Variants in GPC3 observed in about 807,000 individuals in gnomAD.
The protein encoded by GPC3 is glypican 3.
Under a neutral mutation model 34.4 loss-of-function variants are expected in GPC3, and 3 were observed. The ratio of observed to expected loss-of-function variants is 0.09; its 90% confidence interval spans 0.04 to 0.23. The LOEUF (loss-of-function observed/expected upper bound fraction) is 0.23. GPC3 is among the 10% of genes least tolerant of loss of function. The pLI is 1.00. For synonymous variants in GPC3, 177 were observed against 174.0 expected, an observed-to-expected ratio of 1.02 and a Z score of -0.13; for missense variants, 351 against 445.6, an observed-to-expected ratio of 0.79 and a Z score of 1.91.
chrX:133,649,215 A>T (rs1471438553), intron 6 of GPC3, among the ~76,000 whole-genome samples: 6 of 111,331 alleles, frequency 5.4e-5, no homozygotes, highest in African/African-American at 2.0e-4. Context: ...AGCACTACAT[A>T]AAAAATGGGC....
chrX:133,581,615 C>T (rs1437822426), intron 7 of GPC3, among the ~76,000 whole-genome samples: 1 of 112,400 alleles, frequency 8.9e-6, no homozygotes. Flanking sequence ...CCAATTAGTT[C>T]TCACAGAATG....
chrX:133,903,177 A>C (rs986776659), intron 2 of GPC3, among the ~76,000 whole-genome samples: 1 of 110,998 alleles, frequency 9.0e-6, no homozygotes, highest in East Asian at 2.8e-4. Flanking sequence ...ACCCATTTTA[A>C]TGGCTTTATC....
chrX:133,659,920 C>T (rs2070701849), intron 6 of GPC3, among the ~76,000 whole-genome samples: 4 of 111,857 alleles, frequency 3.6e-5, no homozygotes, highest in African/African-American at 9.8e-5. Flanking sequence ...TGTTTTACAT[C>T]GTTTGTGCTC....
chrX:133,625,601 A>G (rs1395486527), intron 6 of GPC3, among the ~76,000 whole-genome samples: 2 of 111,806 alleles, frequency 1.8e-5, no homozygotes, highest in South Asian at 3.7e-4. Context: ...TAGGAATCCA[A>G]CTTCCAAGGG....
At chrX:133,970,482 A>C (rs2076486289) in intron 1 of GPC3, among the ~76,000 whole-genome samples, 1 of 110,405 alleles carries the variant, frequency 9.1e-6, no homozygotes, top group East Asian at 2.8e-4. Flanking sequence ...AAAAACACAC[A>C]ATCTCATACC....
At chrX:133,702,081 G>A (rs2071172705) in intron 3 of GPC3, among the ~76,000 whole-genome samples, 1 of 112,221 alleles carries the variant, frequency 8.9e-6, no homozygotes, top group African/African-American at 3.2e-5. Flanking sequence ...TTCAAACGAA[G>A]CGTGTGCATT....
intron 2 of GPC3, among the ~76,000 whole-genome samples, chrX:133,893,658 T>A (rs2076098637): frequency 9.0e-6 from 1 of 110,962 alleles, no homozygotes; most frequent in African/African-American, 3.3e-5. Flanking sequence ...ACAAACGAAC[T>A]AACCCTCAGG....
chrX:133,754,692 C>T (rs780829148), intron 2 of GPC3, among the ~76,000 whole-genome samples: 6 of 111,992 alleles, frequency 5.4e-5, no homozygotes, highest in Non-Finnish European at 9.4e-5. Context: ...AAAGCTATCA[C>T]GAATTTAATC....
chrX:133,616,612 C>T (rs775656867), intron 6 of GPC3, among the ~76,000 whole-genome samples: 4 of 110,614 alleles, frequency 3.6e-5, no homozygotes, highest in Non-Finnish European at 7.6e-5. Flanking sequence ...TATTTTAAAA[C>T]TTACTGTAAA....
intron 1 of GPC3, among the ~76,000 whole-genome samples, chrX:133,968,194 A>T (rs1362498429): frequency 8.9e-6 from 1 of 112,517 alleles, no homozygotes; most frequent in African/African-American, 3.2e-5. Flanking sequence ...CACAGGTTCA[A>T]GCCACTGGTC....
intron 1 of GPC3, among the ~76,000 whole-genome samples, chrX:133,974,030 C>G (rs1049350629): frequency 6.3e-5 from 7 of 111,606 alleles, no homozygotes; most frequent in Non-Finnish European, 1.3e-4. Context: ...TAATAACTTT[C>G]AGCGTTTTTT....
chrX:133,940,514 A>G (rs1386901884), intron 2 of GPC3, among the ~76,000 whole-genome samples: 4 of 111,509 alleles, frequency 3.6e-5, no homozygotes, highest in Admixed American at 1.9e-4. Context: ...TGTTATTACC[A>G]TTATGAAGAT....
chrX:133,748,843 T>C (rs943427042), intron 3 of GPC3, among the ~76,000 whole-genome samples: 6 of 112,093 alleles, frequency 5.4e-5, no homozygotes, highest in African/African-American at 9.7e-5. Flanking sequence ...GCTTTGCCAC[T>C]AATTGCCTGT....
chrX:133,560,567 C>T (rs1277385828), intron 7 of GPC3, among the ~76,000 whole-genome samples: 1 of 111,454 alleles, frequency 9.0e-6, no homozygotes, highest in East Asian at 2.8e-4. Context: ...GGCAAAACCC[C>T]GTCTGTACTA....
Position 133,985,547 on chromosome X carries a change from G to A in GPC3, c.-98C>T. ...GCCTGGCAGTGGCCCTGAGGAGCAA[G>A]AGACGTGCTGCTACCCAGCCGCTGC... On this transcript the variant is annotated 5_prime_UTR_variant, in exon 1 of 8. Coordinates refer to ENST00000370818, the MANE Select transcript of GPC3 (RefSeq NM_004484.4). The A allele has an allele frequency of 3.6e-6, 3 of 827,159 alleles. No homozygotes were observed. The East Asian group carries it at 1.0e-4, about 29-fold the overall frequency. The allele number at this position is 827,159 out of a possible 1,213,427, so 68.2% of individuals were successfully genotyped here.
At chrX:133,655,369 G>A (rs962825177) in intron 6 of GPC3, among the ~76,000 whole-genome samples, 4 of 110,564 alleles carry the variant, frequency 3.6e-5, no homozygotes, top group Non-Finnish European at 5.7e-5. Flanking sequence ...ACTCCACAGA[G>A]TCTAAGTCTG....
chrX:133,580,923 C>T (rs1201674493), intron 7 of GPC3, among the ~76,000 whole-genome samples: 1 of 112,311 alleles, frequency 8.9e-6, no homozygotes, highest in Non-Finnish European at 1.9e-5. Context: ...TTCCTCCCAA[C>T]CTCTGCCCAT....
At chrX:133,692,243 C>A in intron 5 of GPC3, 126 bp downstream of exon 5, 1 of 754,324 alleles carries the variant, frequency 1.3e-6, no homozygotes, top group Non-Finnish European at 2.0e-6. Context: ...CCGCATCCAG[C>A]CTCATAGATT....
chrX:133,831,110 AAG>A (rs1372925566), intron 2 of GPC3, among the ~76,000 whole-genome samples: 1 of 111,991 alleles, frequency 8.9e-6, no homozygotes, highest in Non-Finnish European at 1.9e-5. Flanking sequence ...GGTTTGAGGG[AAG>A]AGTGTGACTG....
Sources: gnomAD v4.1 joint callset for allele counts (sites outside exome capture counted in the v4.1 genomes callset) on GRCh38, gnomAD v4.1.1 for gene constraint, MANE v1.5 for transcripts, NCBI Gene and HGNC (gene_info 2026-07-23, HGNC 2026-07-21) for gene names.